JARID2: variants seen among roughly 807,000 people sequenced by gnomAD.
JARID2 encodes jumonji and AT-rich interaction domain containing 2, also known as protein Jumonji.
In JARID2, 21 loss-of-function variants were observed where a neutral mutation model predicts 125.6. The observed-to-expected ratio is 0.17, with a 90% confidence interval of 0.12 to 0.24. JARID2 has a LOEUF of 0.24. Ranked by LOEUF, JARID2 falls within the 10% of genes least tolerant of loss-of-function variation. JARID2 has a pLI of 1.00. For synonymous variants in JARID2, 736 were observed against 661.6 expected, an observed-to-expected ratio of 1.11 and a Z score of -1.73; for missense variants, 1,303 against 1,639.6, an observed-to-expected ratio of 0.79 and a Z score of 3.55.
At chr6:15,302,584 A>C (rs1761669974) in intron 1 of JARID2, among the ~76,000 whole-genome samples, 1 of 152,010 alleles carries the variant, frequency 6.6e-6, no homozygotes, top group East Asian at 1.9e-4. Flanking sequence ...AGATTTGTTA[A>C]TTTTTACGGT....
intron 1 of JARID2, among the ~76,000 whole-genome samples, chr6:15,288,171 G>A (rs572629122): frequency 9.2e-5 from 14 of 152,228 alleles, no homozygotes; most frequent in Middle Eastern, 3.4e-3. Context: ...AAAGAAAAGA[G>A]GTTTAATTGG....
chr6:15,402,296 A>T (rs1765469786), intron 2 of JARID2, among the ~76,000 whole-genome samples: 1 of 152,186 alleles, frequency 6.6e-6, no homozygotes, highest in Non-Finnish European at 1.5e-5. Flanking sequence ...AGCCTGGCTC[A>T]AATTGGATAC....
intron 5 of JARID2, among the ~76,000 whole-genome samples, chr6:15,483,518 T>C (rs1302853368): frequency 6.6e-6 from 1 of 152,214 alleles, no homozygotes; most frequent in East Asian, 1.9e-4. Context: ...TTTAAAAATA[T>C]ATTTTGTTGA....
At chr6:15,478,188 G>T (rs1203064040) in intron 5 of JARID2, among the ~76,000 whole-genome samples, 1 of 152,240 alleles carries the variant, frequency 6.6e-6, no homozygotes, top group Non-Finnish European at 1.5e-5. Context: ...GCAGCTAGAA[G>T]ATGGTGTATC....
At chr6:15,357,106 G>C (rs1763628607) in intron 1 of JARID2, among the ~76,000 whole-genome samples, 1 of 152,206 alleles carries the variant, frequency 6.6e-6, no homozygotes, top group Non-Finnish European at 1.5e-5. Flanking sequence ...CAGAGTGAAA[G>C]ACCATCTCTA....
chr6:15,312,302 C>A (rs1417018792), intron 1 of JARID2, among the ~76,000 whole-genome samples: 1 of 152,236 alleles, frequency 6.6e-6, no homozygotes, highest in Non-Finnish European at 1.5e-5. Flanking sequence ...ATCCACCCGC[C>A]TCGGCCTCCC....
At chr6:15,419,836 C>T (rs148885531) in intron 3 of JARID2, among the ~76,000 whole-genome samples, 137 of 152,202 alleles carry the variant, frequency 9.0e-4, no homozygotes, top group Non-Finnish European at 1.6e-3. Context: ...ATACGATGTG[C>T]CTTGGCAGTT....
intron 3 of JARID2, among the ~76,000 whole-genome samples, chr6:15,435,165 A>T (rs900192811): frequency 4.6e-4 from 70 of 152,118 alleles, no homozygotes; most frequent in African/African-American, 1.6e-3. Context: ...GGTTTTCCTC[A>T]TGGTGCTTTA....
At chr6:15,356,881 G>A (rs187076354) in intron 1 of JARID2, among the ~76,000 whole-genome samples, 1 of 152,170 alleles carries the variant, frequency 6.6e-6, no homozygotes, top group African/African-American at 2.4e-5. Context: ...GGTCTTGGTG[G>A]CACGTGCCTG....
intron 7 of JARID2, among the ~76,000 whole-genome samples, chr6:15,498,469 T>TG (rs779425028): frequency 2.6e-4 from 39 of 152,308 alleles, no homozygotes; most frequent in Non-Finnish European, 2.1e-4. Flanking sequence ...AGGATGAACT[T>TG]GCCTTGTTAA....
intron 1 of JARID2, among the ~76,000 whole-genome samples, chr6:15,317,426 T>G (rs1204113468): frequency 6.6e-6 from 1 of 152,174 alleles, no homozygotes; most frequent in African/African-American, 2.4e-5. Flanking sequence ...CAGTTTTGTT[T>G]GAAATCTGGG....
At chr6:15,318,332 C>A (rs1762245341) in intron 1 of JARID2, among the ~76,000 whole-genome samples, 1 of 152,168 alleles carries the variant, frequency 6.6e-6, no homozygotes, top group Non-Finnish European at 1.5e-5. Flanking sequence ...TAGATGTAGG[C>A]AATTGGAGAA....
intron 17 of JARID2, 37 bp downstream of exon 17, chr6:15,517,305 C>CGT: frequency 7.0e-7 from 1 of 1,426,642 alleles, no homozygotes; most frequent in East Asian, 2.3e-5. Context: ...AGGGCGGCAG[C>CGT]GTGGCGCCTT....
intron 2 of JARID2, among the ~76,000 whole-genome samples, chr6:15,397,493 G>A (rs899118122): frequency 5.9e-5 from 9 of 152,252 alleles, no homozygotes; most frequent in Admixed American, 4.6e-4. Flanking sequence ...ACCAACTGGG[G>A]TTGGTCTTGG....
chr6:15,300,600 C>CT (rs1178796823), intron 1 of JARID2, among the ~76,000 whole-genome samples: 2 of 151,668 alleles, frequency 1.3e-5, no homozygotes, highest in South Asian at 2.1e-4. Flanking sequence ...ATTTTGGAGT[C>CT]TATCTGTTTC....
intron 1 of JARID2, among the ~76,000 whole-genome samples, chr6:15,332,046 C>CAATATAAA (rs1561796950): frequency 6.6e-6 from 1 of 152,044 alleles, no homozygotes; most frequent in African/African-American, 2.4e-5. Flanking sequence ...GAACTGATGC[C>CAATATAAA]CTCAGAAAGT....
At chr6:15,511,814 C>T (rs1771292727) in intron 13 of JARID2, among the ~76,000 whole-genome samples, 1 of 152,202 alleles carries the variant, frequency 6.6e-6, no homozygotes, top group Admixed American at 6.5e-5. Context: ...GCTGACCCTG[C>T]CGGTCCCGCC....
chr6:15,417,844 T>G (rs1766304582), intron 3 of JARID2, among the ~76,000 whole-genome samples: 1 of 152,262 alleles, frequency 6.6e-6, no homozygotes, highest in South Asian at 2.1e-4. Flanking sequence ...ATGTGACACA[T>G]GAATTGCTAC....
chr6:15,381,350 A>C (rs1764579864), intron 2 of JARID2, among the ~76,000 whole-genome samples: 1 of 151,500 alleles, frequency 6.6e-6, no homozygotes, highest in South Asian at 2.1e-4. Flanking sequence ...TCAAAAAAAA[A>C]AAAAAAAAAA....
Sources: allele counts gnomAD v4.1 joint callset (sites outside exome capture counted in the v4.1 genomes callset), GRCh38; gene constraint gnomAD v4.1.1; transcripts MANE v1.5; gene names NCBI Gene and HGNC (gene_info 2026-07-23, HGNC 2026-07-21).